The following DPP8 variants were observed in gnomAD, a reference collection of about 807,000 sequenced individuals.
DPP8 encodes the protein DPP VIII.
DPP8 carries 31 observed loss-of-function variants against 107.5 expected under a neutral mutation model. That is an observed-to-expected ratio of 0.29 (90% CI 0.22 to 0.39). The LOEUF is 0.39. DPP8 is among the 10% of genes least tolerant of loss of function. The pLI is 1.00. For missense variants in DPP8, 842 were observed against 1,076.1 expected (o/e 0.78, Z 3.04); for synonymous variants, 381 against 356.6 (o/e 1.07, Z -0.77).
Position 65,467,079 on chromosome 15 carries a change from T to C in DPP8, c.1681A>G (p.Ile561Val). 6.2e-7 allele frequency: 1 copy of C among 1,614,192 alleles called. No homozygotes were observed. The highest frequency in any genetic ancestry group is 8.5e-7 in the Non-Finnish European group (1 of 1,180,036). Reference protein sequence around the residue: ...TDRGYSHSCCISQHCDFFISK... With the variant: ...TDRGYSHSCCVSQHCDFFISK... ...TTAAACAAACTTAATACCTGACTGA[T>C]GCAGCAAGAATGTGAGTAGCCACGG... Residue 561 changes from isoleucine (I) to valine (V), a missense_variant, in exon 13 of 20, where the codon ATC becomes GTC. By Grantham distance (29) the Ile-to-Val change is conservative. Transcript: ENST00000300141.
In DPP8 at chr15:65,446,791, A is replaced by C; in HGVS notation, c.*93T>G. ...GTAGATGTTACATGGCAGGTATCAA[A>C]ATGTGATGATCAATTCTGTGTTTTC... On this transcript the variant is annotated 3_prime_UTR_variant, in exon 20 of 20. Coordinates refer to ENST00000300141, the MANE Select transcript of DPP8 (RefSeq NM_130434.5). 2 of 1,315,524 alleles carry C rather than the reference A, an allele frequency of 1.5e-6. No individual in the cohort carries two copies. Among genetic ancestry groups the C allele is most frequent in the Non-Finnish European group, 2.1e-6 (2 of 973,036 alleles). The allele number at this position is 1,315,524 out of a possible 1,614,324, so 81.5% of individuals were successfully genotyped here.
In DPP8 at chr15:65,474,307, A is replaced by G; in HGVS notation, c.1457-19T>C. ...AAATCACCTGAAGATAAATATAATT[A>G]TAATTCAGTACATTATACCAGACTA... On this transcript the variant is annotated intron_variant, in intron 11 of 19. Transcript: ENST00000300141. 8 of 1,500,744 alleles carry G rather than the reference A, an allele frequency of 5.3e-6. No individual in the cohort carries two copies. The highest frequency in any genetic ancestry group is 6.5e-6 in the Non-Finnish European group (7 of 1,077,164). The allele number at this position is 1,500,744 out of a possible 1,614,324, so 93.0% of individuals were successfully genotyped here. A position where few individuals can be genotyped will look rare whatever the true frequency, so the allele number is the denominator to read the frequency against.
rs138225485 is a variant in DPP8, at chr15:65,443,799, T to C, written c.*3085A>G. ...ATCACCTATTATTAATCCAACTCCA[T>C]TCTCTATAGAAGAGTTTCTTAAAGT... On this transcript the variant is annotated 3_prime_UTR_variant, in exon 20 of 20. Coordinates refer to ENST00000300141, the MANE Select transcript of DPP8 (RefSeq NM_130434.5). 1.3e-5 allele frequency: 2 copies of C among 152,338 alleles called. No individual in the cohort carries two copies. The highest frequency in any genetic ancestry group is 6.5e-5 in the Admixed American group (1 of 15,298). The allele number at this position is 152,338 out of a possible 1,614,324, so 9.4% of individuals were successfully genotyped here. A position where few individuals can be genotyped will look rare whatever the true frequency, so the allele number is the denominator to read the frequency against.
rs1333266144 is a variant in DPP8, at chr15:65,466,759, A to T, written c.1744T>A (p.Ser582Thr). ...TCAGGACTTGATAGCTTGTAAAGGG[A>T]CACACAGTGTGGATTCTTCTGGTTA... ...YSNQKNPHCVSLYKLSSPEDD... is the reference protein window; with the variant it reads ...YSNQKNPHCVTLYKLSSPEDD... The change falls in exon 14 of 20, where the codon TCC (serine) becomes ACC (threonine). Residue 582 changes from serine (S) to threonine (T), a missense_variant. Ser to Thr is a moderately conservative substitution (Grantham distance 58, BLOSUM62 1). Coordinates refer to ENST00000300141, the MANE Select transcript of DPP8 (RefSeq NM_130434.5). The T allele has an allele frequency of 3.1e-6, 5 of 1,613,944 alleles. No individual in the cohort carries two copies. The highest frequency in any genetic ancestry group is 1.1e-5 in the South Asian group (1 of 91,080).
intron 5 of DPP8, among the ~76,000 whole-genome samples, chr15:65,492,107 T>A (rs900276627): frequency 6.0e-5 from 9 of 150,908 alleles, no homozygotes; most frequent in African/African-American, 2.2e-4. Flanking sequence ...TTTGGGAGGC[T>A]GAGGAGGGCA....
At chr15:65,460,713 TTTTG>T (rs2064844890) in intron 15 of DPP8, among the ~76,000 whole-genome samples, 1 of 152,204 alleles carries the variant, frequency 6.6e-6, no homozygotes, top group African/African-American at 2.4e-5. Flanking sequence ...ATAGACCACA[TTTTG>T]TTTATCCATT....
chr15:65,495,774 C>G (rs949308709), intron 5 of DPP8, among the ~76,000 whole-genome samples: 2 of 151,164 alleles, frequency 1.3e-5, no homozygotes, highest in East Asian at 4.0e-4. Flanking sequence ...CCCAGCTACT[C>G]GGGAGGCTGA....
chr15:65,476,419 G>C (rs2066396056), intron 11 of DPP8, among the ~76,000 whole-genome samples: 1 of 152,082 alleles, frequency 6.6e-6, no homozygotes, highest in African/African-American at 2.4e-5. Flanking sequence ...AAAGAGGAGG[G>C]AGAAGGAAAT....
intron 15 of DPP8, among the ~76,000 whole-genome samples, chr15:65,461,655 T>G (rs917804944): frequency 1.1e-4 from 16 of 151,366 alleles, no homozygotes; most frequent in Non-Finnish European, 1.9e-4. Context: ...CAGGCCGGAG[T>G]GCAGTGGTAC....
rs752004888 is a variant in DPP8, at chr15:65,498,017, G to C, written c.562C>G (p.Pro188Ala). ...GGACAACTAGTTTCCACTAGATTGGGCCTTAAAGGTTGTTGCTAGAAAAGT... is the reference window on the plus strand; with the variant it reads ...GGACAACTAGTTTCCACTAGATTGGCCCTTAAAGGTTGTTGCTAGAAAAGT... Reference protein sequence around the residue: ...PQGFTQQPLRPNLVETSCPNI... With the variant: ...PQGFTQQPLRANLVETSCPNI... Residue 188 changes from proline (P) to alanine (A), a missense_variant, in exon 5 of 20, where the codon CCC becomes GCC. Coordinates refer to ENST00000300141, the MANE Select transcript of DPP8 (RefSeq NM_130434.5). 2.6e-5 allele frequency: 41 copies of C among 1,596,796 alleles called. No individual in the cohort carries two copies. The highest frequency in any genetic ancestry group is 3.3e-5 in the Non-Finnish European group (39 of 1,170,462).
chr15:65,483,435 T>C (rs2067115151), intron 8 of DPP8, among the ~76,000 whole-genome samples: 1 of 151,900 alleles, frequency 6.6e-6, no homozygotes, highest in Non-Finnish European at 1.5e-5. Context: ...GGCAGGAGGA[T>C]CACTTGAGCC....
intron 1 of DPP8, chr15:65,516,064 G>C: frequency 2.7e-6 from 1 of 365,120 alleles, no homozygotes. Context: ...CCATGGAAAG[G>C]CTTTAAAAAG....
chr15:65,475,561 A>T, intron 11 of DPP8: 1 of 1,260,996 alleles, frequency 7.9e-7, no homozygotes. Flanking sequence ...CAGGCACTGA[A>T]TTAGGACTGG....
At chr15:65,482,117 C>A (rs2066986140) in intron 8 of DPP8, among the ~76,000 whole-genome samples, 1 of 152,084 alleles carries the variant, frequency 6.6e-6, no homozygotes, top group African/African-American at 2.4e-5. Context: ...ACTGCCTTCA[C>A]AATTTCTCAG....
intron 19 of DPP8, among the ~76,000 whole-genome samples, chr15:65,448,722 A>G (rs1469772881): frequency 7.2e-6 from 1 of 138,520 alleles, no homozygotes; most frequent in South Asian, 2.2e-4. Context: ...ACATATATAT[A>G]TAAAATATAC....
At position 65,462,093 on chromosome 15, in the gene DPP8, C is replaced by T. The variant is rs189621681; in HGVS notation, c.1971+1668G>A. Among the ~76,000 whole-genome samples the T allele has an allele frequency of 3.3e-5, 5 of 152,168 alleles. No homozygotes were observed. The East Asian group carries it at 9.7e-4, about 29-fold the overall frequency. On this transcript the variant is annotated intron_variant, in intron 15 of 19. Transcript: ENST00000300141. ...GAGCAATTCTCCTGCCTCAGTCTCC[C>T]TAGTAGCTGGGATTACAGGTGTCTG...
In DPP8 at chr15:65,457,377, A is replaced by G. The variant is rs548332232; in HGVS notation, c.1972-1006T>C. 9.9e-5 allele frequency among the ~76,000 whole-genome samples: 15 copies of G among 151,882 alleles called. No homozygotes were observed. The South Asian group carries it at 3.1e-3, about 32-fold the overall frequency. On this transcript the variant is annotated intron_variant, in intron 15 of 19. Coordinates refer to ENST00000300141, the MANE Select transcript of DPP8 (RefSeq NM_130434.5). ...TCTCAAAAAACAAACAAAAAAAGTC[A>G]TACTTTTTTTTTTTAAGAGATGGGG...
intron 14 of DPP8, among the ~76,000 whole-genome samples, chr15:65,465,167 CTTTTTTTT>C (rs199937501): frequency 6.3e-5 from 8 of 127,726 alleles, no homozygotes; most frequent in African/African-American, 2.1e-4. Flanking sequence ...TTTGTTTTTT[CTTTTTTTT>C]TTTTTTTTTT....
At chr15:65,490,367 T>A (rs2067905683) in intron 5 of DPP8, 68 bp from the exon 6 acceptor site, 2 of 980,154 alleles carry the variant, frequency 2.0e-6, no homozygotes, top group Admixed American at 1.9e-5. Flanking sequence ...GCAAAATGAT[T>A]CAGTTTATTT....
Sources: allele counts gnomAD v4.1 joint callset (sites outside exome capture counted in the v4.1 genomes callset), GRCh38; gene constraint gnomAD v4.1.1; transcripts MANE v1.5; gene names NCBI Gene and HGNC (gene_info 2026-07-23, HGNC 2026-07-21).